HSPA1L: variants seen among roughly 807,000 people sequenced by gnomAD.
HSPA1L encodes the protein heat shock protein family A (Hsp70) member 1 like, also known as heat shock 70 kDa protein 1-like.
In HSPA1L, 21 loss-of-function variants were observed where a neutral mutation model predicts 31.5. The observed-to-expected ratio is 0.67, with a 90% CI of 0.47 to 0.96. The LOEUF is 0.96. Ranked by LOEUF, HSPA1L falls within the 40% of genes least tolerant of loss-of-function variation. The pLI is 0.00. For missense variants in HSPA1L, 709 were observed against 813.4 expected, an observed-to-expected ratio of 0.87 and a Z score of 1.56; for synonymous variants, 293 against 323.1, an observed-to-expected ratio of 0.91 and a Z score of 1.00.
At chr6:31,812,578 C>A (rs1815505607) in intron 1 of HSPA1L, among the ~76,000 whole-genome samples, 1 of 152,200 alleles carries the variant, frequency 6.6e-6, no homozygotes, top group African/African-American at 2.4e-5. Flanking sequence ...CAGCCCCAGC[C>A]TCCCCAAGTA....
chr6:31,815,195 C>T lies in HSPA1L; in HGVS notation c.-320G>A, dbSNP rs2151468958. ...CCTGCCCACAACTGCGCAGGCCCAG[C>T]AAGCCCCCACAATTAAAAGCCCAGC... is the stretch of plus-strand genomic sequence containing the variant. On this transcript the variant is annotated 5_prime_UTR_variant, in exon 1 of 2. Transcript: ENST00000375654. 4.4e-6 allele frequency: 1 copy of T among 226,704 alleles called. No homozygotes were observed. The allele number at this position is 226,704 out of a possible 1,614,324, so 14.0% of individuals were successfully genotyped here. A position where few individuals can be genotyped will look rare whatever the true frequency, so the allele number is the denominator to read the frequency against.
chr6:31,814,541 AAAAAT>A (rs1815722177), intron 1 of HSPA1L, among the ~76,000 whole-genome samples: 3 of 151,676 alleles, frequency 2.0e-5, no homozygotes, highest in Non-Finnish European at 2.9e-5. Context: ...ATAAATAAAT[AAAAAT>A]AAAATAAAGG....
At chr6:31,814,225 C>T (rs1159542642) in intron 1 of HSPA1L, among the ~76,000 whole-genome samples, 3 of 152,162 alleles carry the variant, frequency 2.0e-5, no homozygotes, top group African/African-American at 7.2e-5. Context: ...TGGCTACCAT[C>T]CTGGCTAACA....
At chr6:31,812,808 T>C (rs1317249009) in intron 1 of HSPA1L, among the ~76,000 whole-genome samples, 1 of 152,108 alleles carries the variant, frequency 6.6e-6, no homozygotes, top group Non-Finnish European at 1.5e-5. Context: ...CTTTATCGCC[T>C]GGTAACAACC....
Position 31,814,119 on chromosome 6 carries a change from G to A in HSPA1L, c.-14+770C>T, listed in dbSNP as rs1456126858. Among the ~76,000 whole-genome samples the A allele has an allele frequency of 2.0e-5, 3 of 152,148 alleles. 1 individual carries two copies. The highest frequency in any genetic ancestry group is 1.3e-4 in the Admixed American group (2 of 15,262). ...TGGAGCCAATAACTGATCAATAAAGGGTTTAAGGGCGGGGGGCGGTGGCTC... is the reference window on the plus strand; with the variant it reads ...TGGAGCCAATAACTGATCAATAAAGAGTTTAAGGGCGGGGGGCGGTGGCTC... On this transcript the variant is annotated intron_variant, in intron 1 of 1. Transcript: ENST00000375654.
At chr6:31,812,073 G>C (rs1815465475) in intron 1 of HSPA1L, 88 bp from the exon 2 acceptor site, 2 of 1,465,816 alleles carry the variant, frequency 1.4e-6, no homozygotes, top group Non-Finnish European at 1.8e-6. Flanking sequence ...CTGTCACCCA[G>C]GTTGGAGTGC....
chr6:31,811,172 G>A lies in HSPA1L; in HGVS notation c.801C>T (p.Thr267=), dbSNP rs1466360802. The stretch of plus-strand genomic sequence containing the variant: ...GGGTCCTCTTGGCCCTCTCGCAGGC[G>A]GTGCGCAGCCGCCTCACGGCTCGCT... The part of the protein sequence containing the change: ...QNKRAVRRLR[T]ACERAKRTLS... Residue 267 remains threonine, a synonymous_variant, in exon 2 of 2, where the codon ACC becomes ACT. Coordinates refer to ENST00000375654, the MANE Select transcript of HSPA1L (RefSeq NM_005527.4). 13 of 1,614,158 alleles carry A rather than the reference G, an allele frequency of 8.1e-6. No individual in the cohort carries two copies. Among genetic ancestry groups the A allele is most frequent in the South Asian group, 4.4e-5 (4 of 91,084 alleles).
Position 31,815,120 on chromosome 6 carries a change from A to C in HSPA1L, c.-245T>G. The stretch of plus-strand genomic sequence containing the variant: ...ACGTGGCCGGGCGGTGTCAACACAA[A>C]CGCCCCCACCCTCCCCTGGACGCGC... On this transcript the variant is annotated 5_prime_UTR_variant, in exon 1 of 2. Transcript: ENST00000375654. 2.5e-4 allele frequency: 133 copies of C among 532,394 alleles called. No homozygotes were observed. Among genetic ancestry groups the C allele is most frequent in the Non-Finnish European group, 3.0e-4 (121 of 409,850 alleles). 33.0% of individuals were successfully genotyped at this position (532,394 alleles called of 1,614,324 possible). A position where few individuals can be genotyped will look rare whatever the true frequency, so the allele number is the denominator to read the frequency against.
Position 31,812,174 on chromosome 6 carries a change from C to A in HSPA1L, c.-13-189G>T, listed in dbSNP as rs1480581854. ...CTCCAGAATAACTGGAGACAACATGCCCGGCTAATTTTTTTTTTTTTTGAG... is the reference window on the plus strand; with the variant it reads ...CTCCAGAATAACTGGAGACAACATGACCGGCTAATTTTTTTTTTTTTTGAG... On this transcript the variant is annotated intron_variant, in intron 1 of 1. Transcript: ENST00000375654. 3.3e-5 allele frequency among the ~76,000 whole-genome samples: 5 copies of A among 150,120 alleles called. No homozygotes were observed. In the East Asian group the frequency reaches 7.8e-4, roughly 23 times the overall value.
intron 1 of HSPA1L, among the ~76,000 whole-genome samples, chr6:31,813,511 A>C (rs1230478712): frequency 6.6e-6 from 1 of 151,962 alleles, no homozygotes; most frequent in East Asian, 1.9e-4. Flanking sequence ...CACCATGTTG[A>C]CCAGGATGGT....
In HSPA1L at chr6:31,814,366, G is replaced by A. The variant is rs1396384466; in HGVS notation, c.-14+523C>T. The stretch of plus-strand genomic sequence containing the variant: ...AACCCGGGAGGTGGAGCAATTAGCC[G>A]GGCGCGGTGGCGGGCGCCTGCAGTC... On this transcript the variant is annotated intron_variant, in intron 1 of 1. Coordinates refer to ENST00000375654, the MANE Select transcript of HSPA1L (RefSeq NM_005527.4). Among the ~76,000 whole-genome samples the A allele has an allele frequency of 3.3e-5, 5 of 151,998 alleles. No individual in the cohort carries two copies. In the East Asian group the frequency reaches 5.8e-4, roughly 18 times the overall value.
intron 1 of HSPA1L, among the ~76,000 whole-genome samples, chr6:31,813,203 T>G (rs1198166793): frequency 6.6e-6 from 1 of 152,244 alleles, no homozygotes; most frequent in Non-Finnish European, 1.5e-5. Context: ...CTTTTGTGAC[T>G]TTGCTTATGT....
chr6:31,810,242 G>C lies in HSPA1L; in HGVS notation c.1731C>G (p.Asn577Lys), dbSNP rs748331299. Residue 577 changes from asparagine (N) to lysine (K), a missense_variant, in exon 2 of 2, where the codon AAC becomes AAG. Coordinates refer to ENST00000375654, the MANE Select transcript of HSPA1L (RefSeq NM_005527.4). ...TGACCTCCAGCCACGAAAGGAGCTC[G>C]TTGCATTTATCCAATATTTTATTTT... The part of the protein sequence containing the change: ...SDKNKILDKC[N>K]ELLSWLEVNQ... 10 of 1,525,050 alleles carry C rather than the reference G, an allele frequency of 6.6e-6. No individual in the cohort carries two copies. The highest frequency in any genetic ancestry group is 8.8e-6 in the Non-Finnish European group (10 of 1,139,986). 94.5% of individuals were successfully genotyped at this position (1,525,050 alleles called of 1,614,324 possible).
In HSPA1L at chr6:31,811,939, C is replaced by T. The variant is rs1265682797; in HGVS notation, c.34G>A (p.Asp12Asn). 9 of 1,614,162 alleles carry T rather than the reference C, an allele frequency of 5.6e-6. No individual in the cohort carries two copies. The highest frequency in any genetic ancestry group is 1.1e-5 in the South Asian group (1 of 91,072). ...ACACAGGAGTAGGTGGTGCCCAGGT[C>T]GATGCCTATGGCGATTCCCTTGGCA... ...ATAKGIAIGI[D>N]LGTTYSCVGV... The change falls in exon 2 of 2, where the codon GAC becomes AAC. Residue 12 changes from aspartate (D) to asparagine (N), a missense_variant. Transcript: ENST00000375654.
chr6:31,811,717 G>T lies in HSPA1L; in HGVS notation c.256C>A (p.Gln86Lys), dbSNP rs766866292. 1.2e-6 allele frequency: 2 copies of T among 1,614,076 alleles called. No homozygotes were observed. Among genetic ancestry groups the T allele is most frequent in the African/African-American group, 2.7e-5 (2 of 74,912 alleles). The change falls in exon 2 of 2, where the codon CAA (glutamine) becomes AAA (lysine). Residue 86 changes from glutamine to lysine, a missense_variant. Physicochemically the swap from Gln to Lys is moderately conservative, Grantham distance 53. Coordinates refer to ENST00000375654, the MANE Select transcript of HSPA1L (RefSeq NM_005527.4). The part of the protein sequence containing the change: ...IGRKFNDPVV[Q>K]ADMKLWPFQV... ...AAAGGCCAAAGTTTCATATCTGCTT[G>T]TACAACAGGATCATTAAATTTCCTG...
In HSPA1L at chr6:31,812,749, C is replaced by T. The variant is rs1177411840; in HGVS notation, c.-13-764G>A. Among the ~76,000 whole-genome samples the T allele has an allele frequency of 3.3e-5, 5 of 152,308 alleles. No individual in the cohort carries two copies. The East Asian group carries it at 7.7e-4, about 23-fold the overall frequency. On this transcript the variant is annotated intron_variant, in intron 1 of 1. Coordinates refer to ENST00000375654, the MANE Select transcript of HSPA1L (RefSeq NM_005527.4). The stretch of plus-strand genomic sequence containing the variant: ...CCAATTTCCAGAATTCTGTTCATCT[C>T]GCAAAACTGAAACTGTATACTCATT...
rs866679084 is a variant in HSPA1L at position 31,814,455 on chromosome 6, G to A, written c.-14+434C>T. 5.9e-4 allele frequency among the ~76,000 whole-genome samples: 88 copies of A among 149,222 alleles called. 2 individuals carry two copies. In the South Asian group the frequency reaches 9.4e-3, roughly 16 times the overall value. On this transcript the variant is annotated intron_variant, in intron 1 of 1. Transcript: ENST00000375654. ...ACTCGGGAGGCAGAGCTTGCAGTGA[G>A]CCAAGATCGTGCCACTGCACTCCAC...
intron 1 of HSPA1L, among the ~76,000 whole-genome samples, chr6:31,814,394 T>C (rs1005023338): frequency 6.6e-6 from 1 of 150,724 alleles, no homozygotes; most frequent in Non-Finnish European, 1.5e-5. Flanking sequence ...CTGCAGTCCC[T>C]GCTACTCGGA....
chr6:31,814,434 G>T (rs1257578010), intron 1 of HSPA1L, among the ~76,000 whole-genome samples: 2 of 151,402 alleles, frequency 1.3e-5, no homozygotes, highest in Non-Finnish European at 1.5e-5. Flanking sequence ...GCCTGAACTC[G>T]GGAGGCAGAG....
Sources: allele counts gnomAD v4.1 joint callset (sites outside exome capture counted in the v4.1 genomes callset), GRCh38; gene constraint gnomAD v4.1.1; transcripts MANE v1.5; gene names NCBI Gene and HGNC (gene_info 2026-07-23, HGNC 2026-07-21).